The following CDCA5 variants were observed in gnomAD, a reference collection of about 807,000 sequenced individuals.
CDCA5 encodes sororin.
A neutral mutation model predicts 25.7 loss-of-function variants in CDCA5; 14 were observed. That is an observed-to-expected ratio of 0.54 (90% CI 0.36 to 0.85). The LOEUF is 0.85. Ranked by LOEUF, CDCA5 falls within the 40% of genes least tolerant of loss-of-function variation. CDCA5 has a pLI of 0.01. For synonymous variants in CDCA5, 127 were observed against 128.7 expected, an observed-to-expected ratio of 0.99 and a Z score of 0.09; for missense variants, 307 against 324.5, an observed-to-expected ratio of 0.95 and a Z score of 0.41.
intron 4 of CDCA5, among the ~76,000 whole-genome samples, chr11:65,081,692 A>G (rs1947570282): frequency 6.6e-6 from 1 of 152,162 alleles, no homozygotes; most frequent in South Asian, 2.1e-4. Flanking sequence ...AGGACCAGGC[A>G]CAGTGGCTCA....
At chr11:65,063,075 G>A (rs1947200401), downstream of CDCA5, among the ~76,000 whole-genome samples, 2 of 152,332 alleles carry the variant, frequency 1.3e-5, no homozygotes, top group South Asian at 4.1e-4. Context: ...TGTCCAAGGG[G>A]TGTTCAGAGC....
chr11:65,070,134 G>A (rs1947313475), intron 1 of CDCA5, among the ~76,000 whole-genome samples: 1 of 152,246 alleles, frequency 6.6e-6, no homozygotes. Context: ...GCCCAAGACA[G>A]GGCCTGGGCT....
downstream of CDCA5, among the ~76,000 whole-genome samples, chr11:65,076,104 T>C (rs985194431): frequency 1.3e-5 from 2 of 152,180 alleles, no homozygotes; most frequent in Admixed American, 6.6e-5. Context: ...CAGATGCTGG[T>C]CGACTTTTGG....
At chr11:65,083,427 A>G (rs1381970262) in intron 3 of CDCA5, 28 bp from the exon 4 acceptor site, 1 of 1,614,208 alleles carries the variant, frequency 6.2e-7, no homozygotes, top group Admixed American at 1.7e-5. Context: ...AATTGATCAC[A>G]TAGCTGGTCC....
downstream of CDCA5, among the ~76,000 whole-genome samples, chr11:65,076,438 A>G (rs1022028319): frequency 6.6e-6 from 1 of 152,174 alleles, no homozygotes; most frequent in Non-Finnish European, 1.5e-5. Flanking sequence ...TTAACAACAA[A>G]GCAAATAAAA....
exon 2 of CDCA5, chr11:65,068,531 TGCTCCTCAACAG>T: frequency 7.8e-7 from 1 of 1,289,444 alleles, no homozygotes; most frequent in African/African-American, 1.5e-5. Flanking sequence ...CTTGGGTTCT[TGCTCCTCAACAG>T]GCTGCACCAC....
chr11:65,062,053 C>T (rs141671070), downstream of CDCA5, among the ~76,000 whole-genome samples: 1,154 of 151,352 alleles, frequency 7.6e-3, 15 homozygotes, highest in African/African-American at 0.026. Flanking sequence ...CCTGAGTAGC[C>T]GGGATCACAG....
chr11:65,069,292 C>A (rs988014200), intron 1 of CDCA5, among the ~76,000 whole-genome samples: 5 of 151,852 alleles, frequency 3.3e-5, no homozygotes, highest in Non-Finnish European at 7.4e-5. Context: ...TTTTTCACCC[C>A]GGTATTTTTC....
chr11:65,082,964 TCA>T (rs1013217308), intron 4 of CDCA5, among the ~76,000 whole-genome samples: 13 of 152,236 alleles, frequency 8.5e-5, no homozygotes, highest in African/African-American at 2.6e-4. Context: ...TTCACATTTC[TCA>T]GTCAGTATGT....
At chr11:65,080,879 AAACAG>A (rs1178160777) in intron 4 of CDCA5, among the ~76,000 whole-genome samples, 2 of 152,252 alleles carry the variant, frequency 1.3e-5, no homozygotes. Context: ...CACTACAGGA[AAACAG>A]AACAGGAGAG....
chr11:65,075,592 TGAAG>T (rs1201088852), downstream of CDCA5, among the ~76,000 whole-genome samples: 1 of 151,088 alleles, frequency 6.6e-6, no homozygotes, highest in Non-Finnish European at 1.5e-5. Flanking sequence ...CCACATGGGG[TGAAG>T]GAAGAAGGAG....
downstream of CDCA5, chr11:65,066,240 TG>T: frequency 1.3e-6 from 1 of 779,548 alleles, no homozygotes; most frequent in Non-Finnish European, 1.7e-6. Flanking sequence ...AGTGTGGACG[TG>T]GTGACCTCCT....
At position 65,079,442 on chromosome 11, in the gene CDCA5, T is replaced by C. The variant is rs1433865882; in HGVS notation, c.589A>G (p.Lys197Glu). 3.1e-6 allele frequency: 5 copies of C among 1,613,974 alleles called. No homozygotes were observed. The highest frequency in any genetic ancestry group is 4.2e-6 in the Non-Finnish European group (5 of 1,179,988). ...KLTEVPRVCA[K>E]PWAPDMTLPG... The stretch of plus-strand genomic sequence containing the variant: ...AGAGTCATGTCTGGGGCCCAGGGCT[T>C]TGCACAAACCCTGGGGACCTCGGTG... The change falls in exon 5 of 6, where the codon AAG becomes GAG. Residue 197 changes from lysine to glutamate, a missense_variant. Transcript: ENST00000275517.
intron 1 of CDCA5, among the ~76,000 whole-genome samples, chr11:65,068,977 C>T (rs760966327): frequency 1.3e-5 from 2 of 152,192 alleles, no homozygotes; most frequent in East Asian, 1.9e-4. Context: ...CAGTGGCTCA[C>T]GCCTGTAATC....
intron 5 of CDCA5, 81 bp from the exon 6 acceptor site, chr11:65,079,268 T>G: frequency 6.2e-7 from 1 of 1,607,136 alleles, no homozygotes. Context: ...CTGCAGGTGC[T>G]GCCTATCCCC....
chr11:65,073,070 G>A (rs1323094097), downstream of CDCA5, among the ~76,000 whole-genome samples: 3 of 146,872 alleles, frequency 2.0e-5, no homozygotes, highest in Non-Finnish European at 4.5e-5. Flanking sequence ...TCAGCCTCCC[G>A]AGTAGCTGGG....
At chr11:65,077,147 C>T (rs1327220970), downstream of CDCA5, among the ~76,000 whole-genome samples, 2 of 152,126 alleles carry the variant, frequency 1.3e-5, no homozygotes, top group Non-Finnish European at 2.9e-5. Context: ...ATTAGCCAGG[C>T]GTGGTGGTGG....
chr11:65,077,568 C>G lies in CDCA5; in HGVS notation c.*1539G>C. ...GAACTTTGCAATGATGATCTCAACT[C>G]TGCATCATCTGGTGACTCCTGATTC... On this transcript the variant is annotated 3_prime_UTR_variant, in exon 6 of 6. Coordinates refer to ENST00000275517, the MANE Select transcript of CDCA5 (RefSeq NM_080668.4). The G allele has an allele frequency of 1.0e-6, 1 of 985,388 alleles. No homozygotes were observed. The highest frequency in any genetic ancestry group is 1.2e-6 in the Non-Finnish European group (1 of 829,876). 61.0% of individuals were successfully genotyped at this position (985,388 alleles called of 1,614,324 possible). A position where few individuals can be genotyped will look rare whatever the true frequency, so the allele number is the denominator to read the frequency against.
downstream of CDCA5, among the ~76,000 whole-genome samples, chr11:65,064,214 C>T (rs758773952): frequency 4.6e-5 from 7 of 152,068 alleles, no homozygotes; most frequent in Non-Finnish European, 7.4e-5. Flanking sequence ...GTCAGGAGAT[C>T]GAGACCACCC....
Sources: allele counts gnomAD v4.1 joint callset (sites outside exome capture counted in the v4.1 genomes callset), GRCh38; gene constraint gnomAD v4.1.1; transcripts MANE v1.5; gene names NCBI Gene and HGNC (gene_info 2026-07-23, HGNC 2026-07-21).